WWC1: variants seen among roughly 807,000 people sequenced by gnomAD.
WWC1 encodes WW and C2 domain containing 1.
In WWC1, 55 loss-of-function variants were observed where a neutral mutation model predicts 138.4. That is an observed-to-expected ratio of 0.40 (90% CI 0.32 to 0.50). WWC1 has a LOEUF of 0.50. Among genes scored for constraint, WWC1 ranks in the 20% least tolerant of loss-of-function variants. WWC1 has a pLI of 0.72. For synonymous variants in WWC1, 524 were observed against 564.9 expected (o/e 0.93, Z 1.03); for missense variants, 1,226 against 1,420.4 (o/e 0.86, Z 2.20).
intron 1 of WWC1, among the ~76,000 whole-genome samples, chr5:168,313,327 A>G (rs990811688): frequency 6.6e-6 from 1 of 151,820 alleles, no homozygotes; most frequent in Non-Finnish European, 1.5e-5. Flanking sequence ...CACAGTGCTC[A>G]TGCCTGTAGT....
At chr5:168,384,110 A>T (rs1266482170) in intron 2 of WWC1, among the ~76,000 whole-genome samples, 1 of 152,072 alleles carries the variant, frequency 6.6e-6, no homozygotes, top group Non-Finnish European at 1.5e-5. Context: ...TTTTCTTCAA[A>T]GGTGTTATCT....
chr5:168,354,929 A>G (rs923042613), intron 1 of WWC1, among the ~76,000 whole-genome samples: 2 of 152,150 alleles, frequency 1.3e-5, no homozygotes, highest in African/African-American at 2.4e-5. Context: ...AGGAGGTAAA[A>G]AGCAAGACCA....
At chr5:168,389,122 G>A (rs1778267247) in intron 3 of WWC1, among the ~76,000 whole-genome samples, 1 of 152,028 alleles carries the variant, frequency 6.6e-6, no homozygotes, top group Non-Finnish European at 1.5e-5. Context: ...CTAAAGTTGG[G>A]CACTATGAGA....
At chr5:168,452,113 C>T (rs908117667) in intron 17 of WWC1, among the ~76,000 whole-genome samples, 9 of 152,042 alleles carry the variant, frequency 5.9e-5, no homozygotes, top group African/African-American at 9.7e-5. Context: ...ACCACATTGG[C>T]CAAGATGGTC....
chr5:168,304,985 C>T (rs1303018324), intron 1 of WWC1, among the ~76,000 whole-genome samples: 1 of 152,056 alleles, frequency 6.6e-6, no homozygotes, highest in Non-Finnish European at 1.5e-5. Flanking sequence ...GCCACCATGC[C>T]CAGCTAATTT....
At chr5:168,334,400 T>C (rs763974013) in intron 1 of WWC1, among the ~76,000 whole-genome samples, 8 of 152,152 alleles carry the variant, frequency 5.3e-5, no homozygotes, top group Non-Finnish European at 1.2e-4. Context: ...TTGTGCATTA[T>C]AGAGACTTGC....
intron 1 of WWC1, among the ~76,000 whole-genome samples, chr5:168,314,294 A>G (rs1383904778): frequency 6.6e-6 from 1 of 152,156 alleles, no homozygotes; most frequent in Non-Finnish European, 1.5e-5. Context: ...GGGGCCAGGC[A>G]TGGTGGCTCA....
intron 1 of WWC1, among the ~76,000 whole-genome samples, chr5:168,331,147 A>G (rs575477006): frequency 1.1e-4 from 17 of 152,282 alleles, no homozygotes; most frequent in African/African-American, 3.1e-4. Context: ...ATTTTGGGGC[A>G]CCCATGCAAT....
rs116010648 is a variant in WWC1, at chr5:168,428,133, C to A, written c.1911C>A (p.Ser637=). The A allele has an allele frequency of 6.2e-7, 1 of 1,612,886 alleles. No homozygotes were observed. The highest frequency in any genetic ancestry group is 1.7e-5 in the Admixed American group (1 of 59,978). Residue 637 remains serine (S), a synonymous_variant, in exon 12 of 23, where the codon TCC becomes TCA. Coordinates refer to ENST00000265293, the MANE Select transcript of WWC1 (RefSeq NM_015238.3). ...GAGACAGTGGTGTGTACGAGGCTTC[C>A]GTGCAGAGGTAGGTGTCTGGGTGCT... The part of the protein sequence containing the change: ...VAGDSGVYEA[S]VQRLGASEAA...
chr5:168,307,374 C>T (rs1405438784), intron 1 of WWC1, among the ~76,000 whole-genome samples: 1 of 152,142 alleles, frequency 6.6e-6, no homozygotes, highest in Non-Finnish European at 1.5e-5. Flanking sequence ...GCGTCTTTCA[C>T]TGCTGTGATT....
intron 1 of WWC1, among the ~76,000 whole-genome samples, chr5:168,320,179 C>T (rs770602704): frequency 3.9e-5 from 6 of 152,068 alleles, no homozygotes; most frequent in Non-Finnish European, 8.8e-5. Flanking sequence ...GGATTACAGG[C>T]GCCCGCCACC....
chr5:168,431,261 C>T lies in WWC1; in HGVS notation c.2097C>T (p.Arg699=), dbSNP rs374509968. The part of the protein sequence containing the change: ...LQQQDQKVNI[R]VAVLPCSEST... The stretch of plus-strand genomic sequence containing the variant: ...TTCTGTCTCCCTCTAGGAATATCCG[C>T]GTGGCTGTCCTTCCTTGCTCTGAAA... The change falls in exon 15 of 23, where the codon CGC becomes CGT. Residue 699 remains arginine, a synonymous_variant. Transcript: ENST00000265293. The T allele has an allele frequency of 5.0e-6, 8 of 1,612,596 alleles. No individual in the cohort carries two copies. The African/African-American group carries it at 6.7e-5, about 13-fold the overall frequency.
chr5:168,340,586 A>G (rs1443258454), intron 1 of WWC1, among the ~76,000 whole-genome samples: 2 of 151,932 alleles, frequency 1.3e-5, no homozygotes, highest in Admixed American at 6.6e-5. Context: ...GTCATACAAT[A>G]TGTGACCTTT....
At chr5:168,422,762 T>A (rs1246573309) in intron 10 of WWC1, among the ~76,000 whole-genome samples, 1 of 152,142 alleles carries the variant, frequency 6.6e-6, no homozygotes, top group Non-Finnish European at 1.5e-5. Context: ...TTTCTAATGG[T>A]GGTCTTCTCT....
chr5:168,403,014 CTTTCTTTCTT>C (rs1561712040), intron 5 of WWC1, among the ~76,000 whole-genome samples: 9 of 70,810 alleles, frequency 1.3e-4, no homozygotes, highest in East Asian at 7.7e-4. Flanking sequence ...CTTTTTCTTT[CTTTCTTTCTT>C]TCTTTCTTTC....
intron 1 of WWC1, among the ~76,000 whole-genome samples, chr5:168,307,804 T>G (rs796159364): frequency 1.9e-4 from 29 of 151,724 alleles, no homozygotes; most frequent in Admixed American, 1.4e-3. Context: ...CAGAAGTGGG[T>G]TTTCACCATG....
Position 168,373,289 on chromosome 5 carries a change from A to G in WWC1, c.229+1756A>G, listed in dbSNP as rs76974578. ...GGGAGCTGTTGGAAAAATGGAAGAA[A>G]GTAGTAGCAGGCCGTGGCAGAGTTT... On this transcript the variant is annotated intron_variant, in intron 2 of 22. Coordinates refer to ENST00000265293, the MANE Select transcript of WWC1 (RefSeq NM_015238.3). 8.7e-3 allele frequency among the ~76,000 whole-genome samples: 1,318 copies of G among 152,206 alleles called. 12 individuals are homozygous for G. Among genetic ancestry groups the G allele is most frequent in the Middle Eastern group, 0.037 (11 of 294 alleles).
chr5:168,327,902 G>A (rs1212750277), intron 1 of WWC1, among the ~76,000 whole-genome samples: 1 of 152,200 alleles, frequency 6.6e-6, no homozygotes, highest in Non-Finnish European at 1.5e-5. Flanking sequence ...TTGCATTCAT[G>A]CTGATAAATT....
intron 15 of WWC1, among the ~76,000 whole-genome samples, chr5:168,439,941 G>T (rs1754601862): frequency 6.6e-6 from 1 of 152,176 alleles, no homozygotes; most frequent in Non-Finnish European, 1.5e-5. Context: ...GAGAAGAAAT[G>T]ATACACAGTT....
Sources: allele counts gnomAD v4.1 joint callset (sites outside exome capture counted in the v4.1 genomes callset), GRCh38; gene constraint gnomAD v4.1.1; transcripts MANE v1.5; gene names NCBI Gene and HGNC (gene_info 2026-07-23, HGNC 2026-07-21).